The following ZC2HC1B variants were observed in gnomAD, a reference collection of about 807,000 sequenced individuals.
ZC2HC1B encodes the protein zinc finger C2HC-type containing 1B, also known as zinc finger C2HC domain-containing protein 1B.
A neutral mutation model predicts 31.0 loss-of-function variants in ZC2HC1B; 36 were observed. The observed-to-expected ratio is 1.16, with a 90% CI of 0.89 to 1.54. ZC2HC1B has a LOEUF of 1.54. Ranked by LOEUF, ZC2HC1B falls within the 40% of genes most tolerant of loss-of-function variation. The pLI, the probability that ZC2HC1B is intolerant of heterozygous loss-of-function variation, is 0.00. For missense variants in ZC2HC1B, 260 were observed against 268.6 expected (o/e 0.97, Z 0.22); for synonymous variants, 73 against 88.0 (o/e 0.83, Z 0.95).
intron 4 of ZC2HC1B, among the ~76,000 whole-genome samples, chr6:143,894,347 G>A (rs940186190): frequency 1.3e-5 from 2 of 152,180 alleles, no homozygotes; most frequent in Non-Finnish European, 2.9e-5. Context: ...CTGAAAGGGG[G>A]CATGAGGGAA....
At chr6:143,893,752 T>C (rs948397731) in intron 4 of ZC2HC1B, among the ~76,000 whole-genome samples, 1 of 152,030 alleles carries the variant, frequency 6.6e-6, no homozygotes, top group African/African-American at 2.4e-5. Flanking sequence ...AGTGGCACCA[T>C]CTCGGCTCAC....
Position 143,898,549 on chromosome 6 carries a change from C to G in ZC2HC1B, c.350-3C>G, listed in dbSNP as rs1383462890. ...TGCCATTTGTTGTTATCTTTACATT[C>G]AGATTATATTCAACGTCCATATTGT... On this transcript the variant is annotated splice_polypyrimidine_tract_variant and splice_region_variant and intron_variant, in intron 4 of 7. Transcript: ENST00000237275. 6.4e-7 allele frequency: 1 copy of G among 1,551,300 alleles called. No individual in the cohort carries two copies. Among genetic ancestry groups the G allele is most frequent in the Non-Finnish European group, 8.7e-7 (1 of 1,146,726 alleles).
chr6:143,932,789 A>G (rs1237469357), intron 6 of ZC2HC1B, among the ~76,000 whole-genome samples: 2 of 152,114 alleles, frequency 1.3e-5, no homozygotes, highest in African/African-American at 4.8e-5. Context: ...TGGATACACT[A>G]TTTCAGTGGA....
At chr6:143,936,017 T>C (rs768756744) in intron 6 of ZC2HC1B, among the ~76,000 whole-genome samples, 11 of 152,292 alleles carry the variant, frequency 7.2e-5, no homozygotes, top group Non-Finnish European at 1.3e-4. Context: ...TTCATCTAGA[T>C]AGCAGTTAGC....
intron 6 of ZC2HC1B, among the ~76,000 whole-genome samples, chr6:143,919,403 C>A (rs1245749919): frequency 1.3e-5 from 2 of 151,800 alleles, no homozygotes; most frequent in African/African-American, 2.4e-5. Flanking sequence ...TTTAAAAAAA[C>A]ATTGTAGTTT....
intron 1 of ZC2HC1B, among the ~76,000 whole-genome samples, chr6:143,873,778 G>A (rs1174057048): frequency 6.6e-6 from 1 of 152,196 alleles, no homozygotes; most frequent in Non-Finnish European, 1.5e-5. Flanking sequence ...CTGTACATGG[G>A]TACCCTGGGC....
intron 4 of ZC2HC1B, among the ~76,000 whole-genome samples, chr6:143,890,905 G>A (rs762286953): frequency 1.3e-5 from 2 of 152,100 alleles, no homozygotes; most frequent in Non-Finnish European, 2.9e-5. Flanking sequence ...CGAGGCAGGT[G>A]GATCACGAGG....
At position 143,872,555 on chromosome 6, in the gene ZC2HC1B, G is replaced by A. The variant is rs941923540; in HGVS notation, c.28+7988G>A. Among the ~76,000 whole-genome samples the A allele has an allele frequency of 2.0e-5, 3 of 152,198 alleles. No individual in the cohort carries two copies. The highest frequency in any genetic ancestry group is 1.9e-4 in the East Asian group (1 of 5,176). On this transcript the variant is annotated intron_variant, in intron 1 of 7. Transcript: ENST00000237275. The surrounding 1 kb of genome is among the most constrained non-coding windows in gnomAD (Gnocchi z 5.5). ...TTTATTTTTTATTTTTTAAATTTAT[G>A]TATTAGTCTATTTTCATGCTGCTGA...
chr6:143,914,702 G>T (rs1282613871), intron 6 of ZC2HC1B, among the ~76,000 whole-genome samples: 15 of 152,028 alleles, frequency 9.9e-5, no homozygotes, highest in Admixed American at 4.6e-4. Context: ...CTTTAGTTCT[G>T]TTGATTTTTG....
intron 4 of ZC2HC1B, among the ~76,000 whole-genome samples, chr6:143,889,106 A>G (rs77948028): frequency 0.034 from 5,126 of 152,134 alleles, 110 homozygotes; most frequent in East Asian, 0.091. Flanking sequence ...AAATGGACAT[A>G]TATTGTAAGG....
chr6:143,900,619 G>A (rs529796076), intron 5 of ZC2HC1B, among the ~76,000 whole-genome samples: 10 of 152,168 alleles, frequency 6.6e-5, no homozygotes, highest in Admixed American at 2.0e-4. Flanking sequence ...GGAATAGGAC[G>A]ATTAATAGAG....
chr6:143,902,128 T>G (rs915262528), intron 5 of ZC2HC1B, among the ~76,000 whole-genome samples: 2 of 152,186 alleles, frequency 1.3e-5, no homozygotes, highest in Non-Finnish European at 2.9e-5. Flanking sequence ...CTTTGTGAAT[T>G]CCTTCACTCA....
At chr6:143,879,790 T>C (rs1324544404) in intron 1 of ZC2HC1B, among the ~76,000 whole-genome samples, 5 of 133,080 alleles carry the variant, frequency 3.8e-5, no homozygotes, top group Admixed American at 1.5e-4. Flanking sequence ...TGTTTGTTTT[T>C]GTTTTTTTTT....
rs571382034 is a variant in ZC2HC1B, at chr6:143,886,274, C to T, written c.210+123C>T. Reference sequence around the variant, plus strand: ...GTAATGTAATGTAACTGTAATCCACCTTTACTTTTTTCTTTATAATCTTGC... The same window carrying T: ...GTAATGTAATGTAACTGTAATCCACTTTTACTTTTTTCTTTATAATCTTGC... On this transcript the variant is annotated intron_variant, in intron 3 of 7. Transcript: ENST00000237275. The surrounding 1 kb of genome is among the most constrained non-coding windows in gnomAD (Gnocchi z 4.2). 2.7e-6 allele frequency: 3 copies of T among 1,117,988 alleles called. No individual in the cohort carries two copies. The highest frequency in any genetic ancestry group is 6.3e-5 in the East Asian group (2 of 31,568). The allele number at this position is 1,117,988 out of a possible 1,614,324, so 69.3% of individuals were successfully genotyped here.
intron 6 of ZC2HC1B, among the ~76,000 whole-genome samples, chr6:143,931,548 T>C (rs1778118903): frequency 6.6e-6 from 1 of 152,208 alleles, no homozygotes; most frequent in Non-Finnish European, 1.5e-5. Context: ...TCAGCATTTG[T>C]TTGTCTGAAA....
Position 143,933,430 on chromosome 6 carries a change from A to G in ZC2HC1B, c.599-4219A>G, listed in dbSNP as rs1301805967. On this transcript the variant is annotated intron_variant, in intron 6 of 7. Coordinates refer to ENST00000237275, the MANE Select transcript of ZC2HC1B (RefSeq NM_001013623.3). This position sits in a 1 kb window ranked among gnomAD's most constrained non-coding sequence, Gnocchi z 6.4. ...GAGTTTATGTCTTTTGTGATTCACT[A>G]TTGGACCGGGTAGAGAAATACTATC... Among the ~76,000 whole-genome samples the G allele has an allele frequency of 2.0e-5, 3 of 152,118 alleles. No individual in the cohort carries two copies. Among genetic ancestry groups the G allele is most frequent in the Non-Finnish European group, 2.9e-5 (2 of 68,026 alleles).
chr6:143,885,950 G>A lies in ZC2HC1B; in HGVS notation c.91-82G>A, dbSNP rs1282385754. On this transcript the variant is annotated intron_variant, in intron 2 of 7. Coordinates refer to ENST00000237275, the MANE Select transcript of ZC2HC1B (RefSeq NM_001013623.3). This position sits in a 1 kb window ranked among gnomAD's most constrained non-coding sequence, Gnocchi z 4.2. ...CTGAGGAGCAAACATAGTCCCTGGAGTGGGGGCTGTCTAGGTACACCTAGG... is the reference window on the plus strand; with the variant it reads ...CTGAGGAGCAAACATAGTCCCTGGAATGGGGGCTGTCTAGGTACACCTAGG... The A allele has an allele frequency of 1.4e-6, 2 of 1,397,336 alleles. No homozygotes were observed. Among genetic ancestry groups the A allele is most frequent in the Admixed American group, 6.5e-5 (2 of 30,838 alleles). The allele number at this position is 1,397,336 out of a possible 1,614,324, so 86.6% of individuals were successfully genotyped here. A position where few individuals can be genotyped will look rare whatever the true frequency, so the allele number is the denominator to read the frequency against.
At chr6:143,875,917 T>C (rs994257723) in intron 1 of ZC2HC1B, among the ~76,000 whole-genome samples, 4 of 150,580 alleles carry the variant, frequency 2.7e-5, no homozygotes, top group Non-Finnish European at 5.9e-5. Context: ...AAGCTGTTTC[T>C]TCTGGCAAAA....
chr6:143,914,553 G>C (rs894734992), intron 6 of ZC2HC1B, among the ~76,000 whole-genome samples: 1 of 152,114 alleles, frequency 6.6e-6, no homozygotes, highest in Non-Finnish European at 1.5e-5. Context: ...TTTTTGAGTA[G>C]AGTGTTCTGA....
Sources: gnomAD v4.1 joint callset for allele counts (sites outside exome capture counted in the v4.1 genomes callset) on GRCh38, gnomAD v4.1.1 for gene constraint, Gnocchi (gnomAD v3.1) non-coding constraint, MANE v1.5 for transcripts, NCBI Gene and HGNC (gene_info 2026-07-23, HGNC 2026-07-21) for gene names.